Variants in GAB2 observed in about 807,000 individuals in gnomAD.
The protein encoded by GAB2 is GRB2 associated binding protein 2, also known as GRB2-associated-binding protein 2.
In GAB2, 26 loss-of-function variants were observed where a neutral mutation model predicts 65.5. That is an observed-to-expected ratio of 0.40 (90% CI 0.29 to 0.55). The LOEUF (loss-of-function observed/expected upper bound fraction) is 0.55. Among genes scored for constraint, GAB2 ranks in the 20% least tolerant of loss-of-function variants. The pLI is 0.53. For missense variants in GAB2, 884 were observed against 875.8 expected, an observed-to-expected ratio of 1.01 and a Z score of -0.12; for synonymous variants, 321 against 329.6, an observed-to-expected ratio of 0.97 and a Z score of 0.28.
At position 78,219,499 on chromosome 11, in the gene GAB2, G is replaced by A. The variant is rs1032732659; in HGVS notation, c.1888-84C>T. On this transcript the variant is annotated intron_variant, in intron 9 of 9. Coordinates refer to ENST00000361507, the MANE Select transcript of GAB2 (RefSeq NM_080491.3). ...AAGAAGGTGGGCACGGGATCTTCCT[G>A]AGCTGTCTGAAGGGGAGAAGAGCAT... The A allele has an allele frequency of 3.9e-6, 5 of 1,285,812 alleles. No homozygotes were observed. The African/African-American group carries it at 7.2e-5, about 19-fold the overall frequency. The allele number at this position is 1,285,812 out of a possible 1,614,324, so 79.7% of individuals were successfully genotyped here.
intron 1 of GAB2, among the ~76,000 whole-genome samples, chr11:78,397,962 G>A (rs574396646): frequency 1.3e-5 from 2 of 151,868 alleles, no homozygotes; most frequent in South Asian, 4.2e-4. Flanking sequence ...TAAGTGAGAG[G>A]AGCACTTGAG....
rs1864435153 is a variant in GAB2, at chr11:78,221,730, G to C, written c.1708C>G (p.Gln570Glu). 1.2e-6 allele frequency: 2 copies of C among 1,613,716 alleles called. No homozygotes were observed. The highest frequency in any genetic ancestry group is 1.7e-5 in the Admixed American group (1 of 59,992). The part of the protein sequence containing the change: ...SSQYCRPIST[Q>E]SITSTDSGDS... Reference sequence around the variant, plus strand: ...CCTGAGTCTGTGCTGGTGATGCTCTGGGTGGAGATGGGGCGGCAGTACTGG... The same window carrying C: ...CCTGAGTCTGTGCTGGTGATGCTCTCGGTGGAGATGGGGCGGCAGTACTGG... Residue 570 changes from glutamine to glutamate, a missense_variant, in exon 8 of 10, where the codon CAG (glutamine) becomes GAG (glutamate). Transcript: ENST00000361507.
At chr11:78,241,206 T>C (rs986410603) in intron 3 of GAB2, among the ~76,000 whole-genome samples, 10 of 152,188 alleles carry the variant, frequency 6.6e-5, no homozygotes, top group African/African-American at 2.2e-4. Flanking sequence ...ATGTTGAACA[T>C]AGGCAAAGAA....
chr11:78,379,225 A>G (rs774651738), intron 1 of GAB2, among the ~76,000 whole-genome samples: 1 of 152,240 alleles, frequency 6.6e-6, no homozygotes, highest in African/African-American at 2.4e-5. Context: ...GGCTTCAGCT[A>G]TTCTCCACAG....
intron 1 of GAB2, among the ~76,000 whole-genome samples, chr11:78,374,457 A>C (rs1591072701): frequency 6.6e-6 from 1 of 152,178 alleles, no homozygotes; most frequent in Non-Finnish European, 1.5e-5. Context: ...CCGGGGGGGA[A>C]CCTGAAGTCC....
chr11:78,401,037 T>C (rs201251282), intron 1 of GAB2, among the ~76,000 whole-genome samples: 1 of 151,988 alleles, frequency 6.6e-6, no homozygotes. Context: ...TTCATGGCTG[T>C]GGAGATTCCA....
intron 1 of GAB2, among the ~76,000 whole-genome samples, chr11:78,290,791 C>T (rs1866643899): frequency 6.6e-6 from 1 of 152,078 alleles, no homozygotes; most frequent in African/African-American, 2.4e-5. Context: ...GAGCAGTCTA[C>T]GGAAAACCAA....
At position 78,223,410 on chromosome 11, in the gene GAB2, A is replaced by G. The variant is rs1864522068; in HGVS notation, c.1567+2T>C. On this transcript the variant is annotated splice_donor_variant, in intron 6 of 9. Coordinates refer to ENST00000361507, the MANE Select transcript of GAB2 (RefSeq NM_080491.3). LOFTEE classifies it high-confidence loss of function. ...ATGGGACAGGGGAAAGAATGGACTT[A>G]CCTTTCCGATCAGGTTTGAGGTTGC... 2 of 1,520,536 alleles carry G rather than the reference A, an allele frequency of 1.3e-6. No individual in the cohort carries two copies. The highest frequency in any genetic ancestry group is 4.7e-5 in the East Asian group (2 of 42,582). 94.2% of individuals were successfully genotyped at this position (1,520,536 alleles called of 1,614,324 possible).
At chr11:78,415,060 C>T (rs1374227743) in intron 1 of GAB2, among the ~76,000 whole-genome samples, 3 of 152,014 alleles carry the variant, frequency 2.0e-5, no homozygotes, top group Non-Finnish European at 4.4e-5. Flanking sequence ...ATGGTAGAGA[C>T]GGGGTTTCAC....
intron 1 of GAB2, chr11:78,392,348 T>C (rs1032735338): frequency 3.3e-5 from 5 of 150,834 alleles, no homozygotes; most frequent in Non-Finnish European, 7.4e-5. Context: ...TGTAACTCTT[T>C]TGATTGTTAT....
Position 78,305,840 on chromosome 11 carries a change from G to A in GAB2, c.76-24939C>T, listed in dbSNP as rs138725193. 8.2e-3 allele frequency among the ~76,000 whole-genome samples: 1,244 copies of A among 152,344 alleles called. 13 individuals are homozygous for A. The highest frequency in any genetic ancestry group is 9.9e-3 in the Non-Finnish European group (673 of 68,032). On this transcript the variant is annotated intron_variant, in intron 1 of 9. Coordinates refer to ENST00000361507, the MANE Select transcript of GAB2 (RefSeq NM_080491.3). ...CAAGACCTCAGAGCAAAAGTTTGCA[G>A]ATTCCAACTGAGGAGCTATGGCTTC... is the stretch of plus-strand genomic sequence containing the variant.
rs57856956 is a variant in GAB2 at position 78,253,286 on chromosome 11, G to A, written c.377-2886C>T. 5.3e-5 allele frequency among the ~76,000 whole-genome samples: 8 copies of A among 152,102 alleles called. No individual in the cohort carries two copies. The East Asian group carries it at 7.7e-4, about 15-fold the overall frequency. On this transcript the variant is annotated intron_variant, in intron 2 of 9. Coordinates refer to ENST00000361507, the MANE Select transcript of GAB2 (RefSeq NM_080491.3). ...TGGGATTACAGGCGTGAGCCACCAT[G>A]CCCAGTCAAAGCTCTCTTTTTTAGA...
chr11:78,238,757 C>G lies in GAB2; in HGVS notation c.620+11400G>C, dbSNP rs527563215. ...TTTCCTGAATATGACACCAAAAGCA[C>G]AGGCAACAAAAGTAAAAATGCAGAA... On this transcript the variant is annotated intron_variant, in intron 3 of 9. Coordinates refer to ENST00000361507, the MANE Select transcript of GAB2 (RefSeq NM_080491.3). Among the ~76,000 whole-genome samples the G allele has an allele frequency of 2.6e-5, 4 of 152,208 alleles. No homozygotes were observed. In the East Asian group the frequency reaches 7.7e-4, roughly 29 times the overall value.
chr11:78,239,217 ATTTAAT>A (rs959302576), intron 3 of GAB2, among the ~76,000 whole-genome samples: 7 of 152,044 alleles, frequency 4.6e-5, no homozygotes, highest in Admixed American at 1.3e-4. Flanking sequence ...TTTTAATTTA[ATTTAAT>A]TTTATGTATT....
intron 1 of GAB2, among the ~76,000 whole-genome samples, chr11:78,304,605 A>C (rs956823007): frequency 4.6e-5 from 7 of 152,212 alleles, no homozygotes; most frequent in African/African-American, 1.7e-4. Context: ...CTTTTCAACC[A>C]GTGATGAAGT....
chr11:78,369,301 G>A (rs1408800898), intron 1 of GAB2, among the ~76,000 whole-genome samples: 1 of 152,130 alleles, frequency 6.6e-6, no homozygotes, highest in Non-Finnish European at 1.5e-5. Flanking sequence ...TTTTAACTGG[G>A]TTAGTTTACA....
chr11:78,371,809 C>T (rs999245166), intron 1 of GAB2, among the ~76,000 whole-genome samples: 3 of 152,064 alleles, frequency 2.0e-5, no homozygotes, highest in Non-Finnish European at 2.9e-5. Context: ...ACAGCTGTAC[C>T]GGCCAGAAAG....
intron 3 of GAB2, among the ~76,000 whole-genome samples, chr11:78,227,410 A>G (rs1864704959): frequency 6.6e-6 from 1 of 152,192 alleles, no homozygotes; most frequent in South Asian, 2.1e-4. Context: ...TGATGACAGG[A>G]AACAGCAAAC....
intron 2 of GAB2, among the ~76,000 whole-genome samples, chr11:78,276,922 A>C (rs1251914667): frequency 6.6e-6 from 1 of 152,138 alleles, no homozygotes; most frequent in East Asian, 1.9e-4. Context: ...GGTTCACGCC[A>C]TTCTCCTGCC....
Sources: gnomAD v4.1 joint callset for allele counts (sites outside exome capture counted in the v4.1 genomes callset) on GRCh38, gnomAD v4.1.1 for gene constraint, MANE v1.5 for transcripts, NCBI Gene and HGNC (gene_info 2026-07-23, HGNC 2026-07-21) for gene names.